Variants in KLHL20 observed in about 807,000 individuals in gnomAD.
The protein encoded by KLHL20 is kelch like family member 20, also known as kelch-like protein 20.
A neutral mutation model predicts 69.5 loss-of-function variants in KLHL20; 29 were observed. The observed-to-expected ratio is 0.42, with a 90% CI of 0.31 to 0.57. The LOEUF is 0.57. KLHL20 is among the 20% of genes least tolerant of loss of function. The probability of loss-of-function intolerance (pLI) is 0.18; values close to 1 mark genes in which losing one functional copy is unlikely to be tolerated. For synonymous variants in KLHL20, 253 were observed against 265.2 expected (o/e 0.95, Z 0.45); for missense variants, 419 against 776.0 (o/e 0.54, Z 5.47).
At chr1:173,765,980 A>G (rs1039869688) in intron 7 of KLHL20, among the ~76,000 whole-genome samples, 166 bp from the exon 8 acceptor site, 1 of 152,192 alleles carries the variant, frequency 6.6e-6, no homozygotes, top group African/African-American at 2.4e-5. Context: ...ATAAATTTCA[A>G]AAAATAAAAA....
In KLHL20 at chr1:173,766,162, A is replaced by G; in HGVS notation, c.1168A>G (p.Asn390Asp). ...NSVERYDPKT[N>D]QWSSDVAPTS... is the part of the protein sequence containing the mutation. The stretch of plus-strand genomic sequence containing the variant: ...TCTTTTCAGGTATGACCCCAAAACA[A>G]ACCAGTGGAGCAGTGATGTGGCCCC... Residue 390 changes from asparagine (N) to aspartate (D), a missense_variant, in exon 8 of 12, where the codon AAC becomes GAC. Transcript: ENST00000209884. 6.2e-7 allele frequency: 1 copy of G among 1,606,792 alleles called. No homozygotes were observed. Among genetic ancestry groups the G allele is most frequent in the Non-Finnish European group, 8.5e-7 (1 of 1,177,278 alleles).
chr1:173,778,986 A>G (rs1178177368), intron 10 of KLHL20, among the ~76,000 whole-genome samples: 1 of 150,594 alleles, frequency 6.6e-6, no homozygotes, highest in Non-Finnish European at 1.5e-5. Flanking sequence ...GTTTCTTCTC[A>G]TTTTGGATTT....
intron 10 of KLHL20, 133 bp from the exon 11 acceptor site, chr1:173,781,991 C>A: frequency 3.4e-6 from 2 of 589,072 alleles, no homozygotes; most frequent in East Asian, 2.8e-5. Context: ...TACATTTTCC[C>A]TGTGTTTCAG....
At chr1:173,753,124 G>A (rs1381244215) in intron 4 of KLHL20, 89 bp from the exon 5 acceptor site, 24 of 1,039,856 alleles carry the variant, frequency 2.3e-5, no homozygotes, top group Middle Eastern at 2.6e-4. Flanking sequence ...AGTGACCTAC[G>A]ATCATGCCAC....
At chr1:173,760,738 C>G (rs563204999) in intron 7 of KLHL20, among the ~76,000 whole-genome samples, 16 of 152,128 alleles carry the variant, frequency 1.1e-4, no homozygotes, top group Non-Finnish European at 2.2e-4. Context: ...TGAAAGAAAT[C>G]CTGGAAACAC....
intron 9 of KLHL20, among the ~76,000 whole-genome samples, chr1:173,774,875 A>G (rs1648353479): frequency 6.6e-6 from 1 of 152,100 alleles, no homozygotes; most frequent in African/African-American, 2.4e-5. Context: ...CAGTGCCACA[A>G]TCTTGGCTCA....
At chr1:173,744,040 G>A (rs1017336834) in intron 3 of KLHL20, among the ~76,000 whole-genome samples, 2 of 152,074 alleles carry the variant, frequency 1.3e-5, no homozygotes, top group African/African-American at 4.8e-5. Flanking sequence ...AAATAGGATT[G>A]CAAGGCCTAA....
chr1:173,773,549 G>T (rs1268706413), intron 8 of KLHL20, among the ~76,000 whole-genome samples: 1 of 151,856 alleles, frequency 6.6e-6, no homozygotes, highest in Non-Finnish European at 1.5e-5. Flanking sequence ...TTGTCTCAAA[G>T]AACTATGCAA....
chr1:173,782,660 T>A (rs912162948), intron 11 of KLHL20, among the ~76,000 whole-genome samples: 1 of 152,190 alleles, frequency 6.6e-6, no homozygotes, highest in East Asian at 1.9e-4. Flanking sequence ...GCAATTACTT[T>A]TGAAAAATTA....
intron 8 of KLHL20, among the ~76,000 whole-genome samples, chr1:173,767,427 T>C (rs1475100234): frequency 1.3e-5 from 2 of 152,232 alleles, no homozygotes; most frequent in Non-Finnish European, 2.9e-5. Context: ...CTGGATCATA[T>C]GATAGTTCTA....
chr1:173,753,141 C>G, intron 4 of KLHL20, 72 bp from the exon 5 acceptor site: 2 of 1,254,748 alleles, frequency 1.6e-6, no homozygotes, highest in Non-Finnish European at 1.1e-6. Flanking sequence ...CCACTGTACT[C>G]CAGCCTAGGC....
intron 2 of KLHL20, among the ~76,000 whole-genome samples, chr1:173,718,615 C>T (rs1406189247): frequency 1.3e-5 from 2 of 151,616 alleles, no homozygotes; most frequent in African/African-American, 4.8e-5. Flanking sequence ...AGCTACCCAG[C>T]TACTTAGGAG....
At chr1:173,734,407 T>A in intron 3 of KLHL20, 121 bp downstream of exon 3, 1 of 843,516 alleles carries the variant, frequency 1.2e-6, no homozygotes, top group Non-Finnish European at 2.0e-6. Flanking sequence ...AGCAAATAAA[T>A]AAGTTATTAT....
chr1:173,784,847 T>C (rs1014427443), intron 11 of KLHL20, among the ~76,000 whole-genome samples: 1 of 152,224 alleles, frequency 6.6e-6, no homozygotes, highest in African/African-American at 2.4e-5. Context: ...TAATTCTGTG[T>C]AACCGTTAGA....
intron 3 of KLHL20, among the ~76,000 whole-genome samples, chr1:173,750,735 T>TA (rs1267920518): frequency 6.6e-6 from 1 of 152,006 alleles, no homozygotes. Flanking sequence ...TTTTATTTTT[T>TA]ATTTTTGTAG....
At chr1:173,780,870 C>T (rs543393732) in intron 10 of KLHL20, among the ~76,000 whole-genome samples, 1 of 152,154 alleles carries the variant, frequency 6.6e-6, no homozygotes, top group South Asian at 2.1e-4. Context: ...GCTAGGACTA[C>T]AGGTGCGTGC....
chr1:173,770,855 A>G (rs1276303256), intron 8 of KLHL20, among the ~76,000 whole-genome samples: 3 of 152,184 alleles, frequency 2.0e-5, no homozygotes, highest in African/African-American at 7.2e-5. Context: ...TTACTTTCCT[A>G]TAATTAAAAA....
intron 7 of KLHL20, among the ~76,000 whole-genome samples, chr1:173,765,915 G>A (rs987729101): frequency 2.6e-5 from 4 of 151,896 alleles, no homozygotes; most frequent in Non-Finnish European, 5.9e-5. Context: ...AACTCAAGGA[G>A]GGCTTTAACT....
chr1:173,721,517 G>A lies in KLHL20; in HGVS notation c.23+5451G>A, dbSNP rs563714207. Among the ~76,000 whole-genome samples the A allele has an allele frequency of 2.6e-5, 4 of 152,280 alleles. 1 individual carries two copies. The highest frequency in any genetic ancestry group is 9.6e-5 in the African/African-American group (4 of 41,568). ...CAATGAGATGTCAGCAGTAGTTGTT[G>A]AGGGGTATTCTAGGAAGGCTTTTGC... On this transcript the variant is annotated intron_variant, in intron 2 of 11. Transcript: ENST00000209884.
Sources: allele counts gnomAD v4.1 joint callset (sites outside exome capture counted in the v4.1 genomes callset), GRCh38; gene constraint gnomAD v4.1.1; transcripts MANE v1.5; gene names NCBI Gene and HGNC (gene_info 2026-07-23, HGNC 2026-07-21).